SAMD5: variants seen among roughly 807,000 people sequenced by gnomAD.
SAMD5 encodes the protein sterile alpha motif domain-containing protein 5.
Under a neutral mutation model 11.3 loss-of-function variants are expected in SAMD5, and 13 were observed. That is an observed-to-expected ratio of 1.15 (90% CI 0.75 to 1.83). SAMD5 has a LOEUF of 1.83. SAMD5 is among the 40% of genes most tolerant of loss of function. SAMD5 has a pLI of 0.00. For synonymous variants in SAMD5, 129 were observed against 111.3 expected (o/e 1.16, Z -1.00); for missense variants, 255 against 239.1 (o/e 1.07, Z -0.44).
At chr6:147,768,813 GA>G in the SAMD5 span, among the ~76,000 whole-genome samples, 1 of 151,724 alleles carries the variant, frequency 6.6e-6, no homozygotes, top group Non-Finnish European at 1.5e-5. Flanking sequence ...TTATTTTTTT[GA>G]GACGGAGTCT....
downstream of SAMD5, among the ~76,000 whole-genome samples, chr6:147,570,644 T>TTTTTAATCATTTAA (rs1554233621): frequency 6.6e-6 from 1 of 151,640 alleles, no homozygotes; most frequent in African/African-American, 2.4e-5. Context: ...AATGATTTGA[T>TTTTTAATCATTTAA]TTTTAATCAA....
intron 1 of SAMD5, among the ~76,000 whole-genome samples, chr6:147,667,589 G>A (rs1335665307): frequency 6.6e-6 from 1 of 152,140 alleles, no homozygotes. Context: ...TTAAATTCCT[G>A]TAACAACTTA....
At chr6:147,850,569 A>G in the SAMD5 span, among the ~76,000 whole-genome samples, 1 of 152,158 alleles carries the variant, frequency 6.6e-6, no homozygotes, top group African/African-American at 2.4e-5. Context: ...ACACAATCCT[A>G]AATTTTGTGT....
At chr6:147,591,327 C>T (rs143469422) in intron 1 of SAMD5, among the ~76,000 whole-genome samples, 1 of 152,158 alleles carries the variant, frequency 6.6e-6, no homozygotes. Context: ...TGCTTCAGAG[C>T]GTGCACTACC....
chr6:147,868,667 TC>T, the SAMD5 span, among the ~76,000 whole-genome samples: 1 of 152,242 alleles, frequency 6.6e-6, no homozygotes, highest in Non-Finnish European at 1.5e-5. Context: ...TAGAAGGCTC[TC>T]AAGTCTGTGA....
chr6:147,757,323 G>T, the SAMD5 span, among the ~76,000 whole-genome samples: 1 of 152,138 alleles, frequency 6.6e-6, no homozygotes, highest in East Asian at 1.9e-4. Context: ...GCTGCAAGGG[G>T]TTGACAACAT....
chr6:147,884,638 T>C, the SAMD5 span, among the ~76,000 whole-genome samples: 1 of 118,158 alleles, frequency 8.5e-6, no homozygotes, highest in African/African-American at 3.6e-5. Flanking sequence ...AGATAGATTT[T>C]AAAAAACTTT....
the SAMD5 span, among the ~76,000 whole-genome samples, chr6:147,929,107 A>G: frequency 6.6e-6 from 1 of 152,108 alleles, no homozygotes; most frequent in African/African-American, 2.4e-5. Flanking sequence ...ACTCAAATGC[A>G]TTCAACATAT....
chr6:147,934,917 A>G, the SAMD5 span, among the ~76,000 whole-genome samples: 2 of 152,104 alleles, frequency 1.3e-5, no homozygotes, highest in African/African-American at 4.8e-5. Flanking sequence ...CAACCATACA[A>G]GGGGGGAAGT....
At chr6:147,954,621 C>A in the SAMD5 span, among the ~76,000 whole-genome samples, 1 of 150,222 alleles carries the variant, frequency 6.7e-6, no homozygotes, top group East Asian at 1.9e-4. Flanking sequence ...GTGCCCTGTA[C>A]ATGTTTACCA....
the SAMD5 span, among the ~76,000 whole-genome samples, chr6:147,773,192 G>T: frequency 6.6e-6 from 1 of 152,170 alleles, no homozygotes; most frequent in Non-Finnish European, 1.5e-5. Flanking sequence ...AAATCTTGGG[G>T]TACACATTAT....
intron 1 of SAMD5, among the ~76,000 whole-genome samples, chr6:147,733,563 A>C (rs1295454561): frequency 6.6e-6 from 1 of 151,972 alleles, no homozygotes; most frequent in Non-Finnish European, 1.5e-5. Context: ...CTTGAATCCA[A>C]CTGTAGTCTC....
chr6:147,912,575 A>C, the SAMD5 span, among the ~76,000 whole-genome samples: 1 of 152,190 alleles, frequency 6.6e-6, no homozygotes, highest in Admixed American at 6.5e-5. Flanking sequence ...TTAGGAGTTC[A>C]CCCTGAGCAT....
At chr6:147,619,370 G>A (rs1315838780) in intron 1 of SAMD5, among the ~76,000 whole-genome samples, 4 of 152,166 alleles carry the variant, frequency 2.6e-5, no homozygotes, top group Non-Finnish European at 5.9e-5. Context: ...CTGCAGAAAA[G>A]AAGTACACAC....
chr6:147,793,103 C>T, the SAMD5 span, among the ~76,000 whole-genome samples: 1 of 152,094 alleles, frequency 6.6e-6, no homozygotes, highest in Non-Finnish European at 1.5e-5. Context: ...AATAACCTTG[C>T]AGAGAGAAAC....
chr6:147,729,635 A>C (rs1355788897), intron 1 of SAMD5: 2 of 366,764 alleles, frequency 5.5e-6, no homozygotes, highest in Admixed American at 3.5e-5. Context: ...AGAAAGGGCT[A>C]TGATTTTAGA....
chr6:147,739,930 CTG>C (rs1425095026), downstream of SAMD5, among the ~76,000 whole-genome samples: 1 of 152,148 alleles, frequency 6.6e-6, no homozygotes, highest in Non-Finnish European at 1.5e-5. Flanking sequence ...AGCAATTCTC[CTG>C]TCTCAGCCCC....
the SAMD5 span, chr6:147,947,558 A>T: frequency 6.6e-6 from 1 of 152,224 alleles, no homozygotes; most frequent in Non-Finnish European, 1.5e-5. Context: ...GTACTACTTC[A>T]AAGATGCATG....
intron 1 of SAMD5, among the ~76,000 whole-genome samples, chr6:147,686,340 C>G (rs1337175209): frequency 6.6e-6 from 1 of 152,098 alleles, no homozygotes; most frequent in East Asian, 1.9e-4. Context: ...GTTTCAGAAA[C>G]CTTTGCCAGT....
Sources: allele counts gnomAD v4.1 joint callset (sites outside exome capture counted in the v4.1 genomes callset), GRCh38; gene constraint gnomAD v4.1.1; transcripts MANE v1.5; gene names NCBI Gene and HGNC (gene_info 2026-07-23, HGNC 2026-07-21).